MTUS2: variants seen among roughly 807,000 people sequenced by gnomAD.
The protein encoded by MTUS2 is microtubule-associated tumor suppressor candidate 2.
In MTUS2, 40 loss-of-function variants were observed where a neutral mutation model predicts 114.1. That is an observed-to-expected ratio of 0.35 (90% CI 0.27 to 0.46). The LOEUF (loss-of-function observed/expected upper bound fraction) is 0.46, where lower values mean the gene tolerates loss of function less well. MTUS2 is among the 20% of genes least tolerant of loss of function. The pLI, the probability that MTUS2 is intolerant of heterozygous loss-of-function variation, is 1.00. For synonymous variants in MTUS2, 688 were observed against 672.0 expected (o/e 1.02, Z -0.37); for missense variants, 1,679 against 1,705.4 (o/e 0.98, Z 0.27).
In MTUS2 at chr13:29,016,395, G is replaced by A. The variant is rs151089324; in HGVS notation, c.-242-8062G>A. Among the ~76,000 whole-genome samples, 63 of 151,068 alleles carry A rather than the reference G, an allele frequency of 4.2e-4. 1 individual carries two copies. The East Asian group carries it at 0.011, about 27-fold the overall frequency. On this transcript the variant is annotated intron_variant, in intron 2 of 15. Transcript: ENST00000612955. ...GGTATGCTTGAAATGCTTTTTGTTGGCAAATGTGAATGAAACTTCTTTTGG... is the reference window on the plus strand; with the variant it reads ...GGTATGCTTGAAATGCTTTTTGTTGACAAATGTGAATGAAACTTCTTTTGG...
chr13:29,287,574 G>A (rs1898542706), intron 6 of MTUS2, among the ~76,000 whole-genome samples: 1 of 152,068 alleles, frequency 6.6e-6, no homozygotes. Context: ...TTTCTCCAGA[G>A]GCAAAATTTT....
intron 5 of MTUS2, among the ~76,000 whole-genome samples, chr13:29,129,706 A>T (rs1050810453): frequency 5.3e-5 from 8 of 152,204 alleles, no homozygotes; most frequent in Non-Finnish European, 7.3e-5. Context: ...GAGTGAAAGG[A>T]CAACAAAATG....
intron 2 of MTUS2, among the ~76,000 whole-genome samples, chr13:28,979,368 TTAAC>T (rs1884258005): frequency 6.6e-6 from 1 of 152,150 alleles, no homozygotes; most frequent in African/African-American, 2.4e-5. Flanking sequence ...TTATTGAAAA[TTAAC>T]AATGCCTTTT....
intron 5 of MTUS2, among the ~76,000 whole-genome samples, chr13:29,278,370 C>T (rs970468143): frequency 3.9e-5 from 6 of 152,196 alleles, no homozygotes; most frequent in Admixed American, 3.3e-4. Context: ...TGAAATATAT[C>T]AGTATCCAAT....
intron 2 of MTUS2, among the ~76,000 whole-genome samples, chr13:28,968,840 T>A (rs1883720113): frequency 6.6e-6 from 1 of 152,150 alleles, no homozygotes; most frequent in Non-Finnish European, 1.5e-5. Context: ...ATGTAAAGGA[T>A]TAAAAAGTAG....
At chr13:28,873,052 A>C (rs925798443) in intron 2 of MTUS2, among the ~76,000 whole-genome samples, 4 of 152,262 alleles carry the variant, frequency 2.6e-5, no homozygotes, top group African/African-American at 4.8e-5. Context: ...ACTAAAGGAA[A>C]GTAACTGCCA....
chr13:29,224,159 T>C (rs1448532887), intron 5 of MTUS2, among the ~76,000 whole-genome samples: 1 of 152,050 alleles, frequency 6.6e-6, no homozygotes, highest in African/African-American at 2.4e-5. Flanking sequence ...CAAGCAAAAC[T>C]CAGGTAAAGG....
intron 2 of MTUS2, among the ~76,000 whole-genome samples, chr13:28,912,494 G>T (rs939145655): frequency 6.6e-6 from 1 of 152,052 alleles, no homozygotes; most frequent in African/African-American, 2.4e-5. Flanking sequence ...GACTATATGG[G>T]CTCTTTTTTG....
chr13:29,369,168 C>T (rs1870989795), intron 8 of MTUS2, among the ~76,000 whole-genome samples: 1 of 152,122 alleles, frequency 6.6e-6, no homozygotes, highest in South Asian at 2.1e-4. Context: ...GGCAGTTTGG[C>T]AAGAGTATCT....
At chr13:29,372,269 A>G (rs753085391) in intron 8 of MTUS2, among the ~76,000 whole-genome samples, 2 of 151,850 alleles carry the variant, frequency 1.3e-5, no homozygotes, top group Non-Finnish European at 2.9e-5. Flanking sequence ...AGCAGCACCA[A>G]CAGACCAAAA....
intron 6 of MTUS2, among the ~76,000 whole-genome samples, chr13:29,313,940 G>A (rs1022546500): frequency 4.6e-5 from 7 of 152,080 alleles, no homozygotes; most frequent in African/African-American, 9.7e-5. Flanking sequence ...CATGTGCCAC[G>A]TTAAAATTCC....
At chr13:28,898,448 A>T (rs958181643) in intron 2 of MTUS2, among the ~76,000 whole-genome samples, 2 of 152,216 alleles carry the variant, frequency 1.3e-5, no homozygotes, top group Non-Finnish European at 1.5e-5. Flanking sequence ...TGCTCTTTCC[A>T]CAGTGGTTTG....
At chr13:28,827,917 A>G (rs1025431453) in intron 1 of MTUS2, among the ~76,000 whole-genome samples, 1 of 152,212 alleles carries the variant, frequency 6.6e-6, no homozygotes, top group Admixed American at 6.5e-5. Context: ...AAAATCGCTA[A>G]TGAAGTTTTG....
chr13:29,469,637 A>G (rs868173476), intron 9 of MTUS2, among the ~76,000 whole-genome samples: 128 of 146,702 alleles, frequency 8.7e-4, no homozygotes, highest in Non-Finnish European at 1.5e-3. Context: ...AAAAAAAAAA[A>G]AAAGAAAGAA....
At chr13:29,451,871 G>A (rs1172912195) in intron 9 of MTUS2, among the ~76,000 whole-genome samples, 2 of 152,148 alleles carry the variant, frequency 1.3e-5, no homozygotes, top group Admixed American at 6.5e-5. Context: ...TTATAGGCAT[G>A]AGCCTCCATG....
At chr13:29,099,477 A>G (rs9314932) in intron 4 of MTUS2, among the ~76,000 whole-genome samples, 38,993 of 146,902 alleles carry the variant, frequency 0.27, 5,473 homozygotes, top group East Asian at 0.61. Context: ...TCTATGTACC[A>G]TTTAGACCCA....
intron 7 of MTUS2, among the ~76,000 whole-genome samples, chr13:29,330,133 C>T (rs1031799083): frequency 9.9e-5 from 15 of 152,200 alleles, no homozygotes; most frequent in African/African-American, 3.1e-4. Flanking sequence ...TTTTAATGAT[C>T]GCCATTCTAA....
chr13:29,270,741 C>T lies in MTUS2; in HGVS notation c.2645-10963C>T, dbSNP rs140832709. Among the ~76,000 whole-genome samples, 390 of 152,340 alleles carry T rather than the reference C, an allele frequency of 2.6e-3. 1 individual carries two copies. The highest frequency in any genetic ancestry group is 9.1e-3 in the African/African-American group (378 of 41,580). ...AGCTCTCAGCATCACAAGGCCCTTT[C>T]TGTCGAGCAGCTGCTGCTCCTTATC... is the stretch of plus-strand genomic sequence containing the variant. On this transcript the variant is annotated intron_variant, in intron 5 of 15. Transcript: ENST00000612955.
At chr13:29,324,191 C>T (rs1038190645) in intron 6 of MTUS2, among the ~76,000 whole-genome samples, 2 of 152,166 alleles carry the variant, frequency 1.3e-5, no homozygotes, top group Admixed American at 6.5e-5. Flanking sequence ...CGGGTAATGC[C>T]GAAGTCATTA....
Sources: gnomAD v4.1 joint callset for allele counts (sites outside exome capture counted in the v4.1 genomes callset) on GRCh38, gnomAD v4.1.1 for gene constraint, MANE v1.5 for transcripts, NCBI Gene and HGNC (gene_info 2026-07-23, HGNC 2026-07-21) for gene names.